PAK3: variants seen among roughly 807,000 people sequenced by gnomAD.
PAK3 encodes the protein serine/threonine-protein kinase PAK 3.
In PAK3, 4 loss-of-function variants were observed where a neutral mutation model predicts 41.0. The ratio of observed to expected loss-of-function variants is 0.10; its 90% confidence interval spans 0.05 to 0.22. PAK3 has a LOEUF of 0.22. Ranked by LOEUF, PAK3 falls within the 10% of genes least tolerant of loss-of-function variation. The probability of loss-of-function intolerance (pLI) is 1.00; values close to 1 mark genes in which losing one functional copy is unlikely to be tolerated. For synonymous variants in PAK3, 146 were observed against 139.6 expected, an observed-to-expected ratio of 1.05 and a Z score of -0.32; for missense variants, 205 against 409.9, an observed-to-expected ratio of 0.50 and a Z score of 4.32.
intron 8 of PAK3, among the ~76,000 whole-genome samples, chrX:111,162,145 A>G (rs780489261): frequency 8.9e-6 from 1 of 111,813 alleles, no homozygotes; most frequent in African/African-American, 3.2e-5. Context: ...TGGGAACCAC[A>G]CTTTGAGAAC....
chrX:111,143,907 T>C (rs1008860247), intron 6 of PAK3, among the ~76,000 whole-genome samples: 1 of 111,791 alleles, frequency 8.9e-6, no homozygotes, highest in African/African-American at 3.2e-5. Flanking sequence ...TTCCTTTTTG[T>C]TTTCTGATGT....
chrX:111,105,047 GCTCA>G (rs1273818564), intron 4 of PAK3, among the ~76,000 whole-genome samples: 1 of 111,289 alleles, frequency 9.0e-6, no homozygotes, highest in Non-Finnish European at 1.9e-5. Context: ...CATCCCCTGG[GCTCA>G]CTCACTTTTC....
At chrX:111,180,742 T>C (rs56028843) in intron 11 of PAK3, among the ~76,000 whole-genome samples, 2,521 of 111,901 alleles carry the variant, frequency 0.023, 79 homozygotes, top group African/African-American at 0.078. Flanking sequence ...TTGTACCTCA[T>C]ACTTTTTAAA....
chrX:111,081,878 G>A (rs1603146636), intron 1 of PAK3, among the ~76,000 whole-genome samples: 2 of 111,384 alleles, frequency 1.8e-5, no homozygotes, highest in East Asian at 5.6e-4. Flanking sequence ...TTAAAGGCAA[G>A]GAGCATGGAT....
intron 3 of PAK3, chrX:111,098,768 CA>C (rs754247810): frequency 7.7e-4 from 70 of 90,725 alleles, no homozygotes; most frequent in Admixed American, 1.3e-3. Flanking sequence ...GACCCCTGCT[CA>C]AAAAAAAAAA....
intron 11 of PAK3, among the ~76,000 whole-genome samples, chrX:111,190,801 G>C (rs1187338835): frequency 4.5e-5 from 5 of 112,235 alleles, no homozygotes; most frequent in Non-Finnish European, 9.4e-5. Flanking sequence ...TAAAGAACAA[G>C]AGAAATAATT....
intron 6 of PAK3, chrX:111,146,410 T>C: frequency 1.8e-6 from 1 of 543,367 alleles, no homozygotes; most frequent in Non-Finnish European, 3.1e-6. Context: ...TGCCCCACTT[T>C]AGAAGGGACT....
chrX:111,001,054 C>T (rs1014707180), intron 1 of PAK3, among the ~76,000 whole-genome samples: 9 of 111,464 alleles, frequency 8.1e-5, no homozygotes, highest in East Asian at 2.8e-4. Context: ...CACACCAGTA[C>T]GAGGGAAATG....
At chrX:111,126,093 A>G (rs562857054) in intron 5 of PAK3, among the ~76,000 whole-genome samples, 4 of 111,537 alleles carry the variant, frequency 3.6e-5, no homozygotes, top group African/African-American at 1.3e-4. Context: ...GAACTAATGA[A>G]TAGTCCACTT....
intron 4 of PAK3, among the ~76,000 whole-genome samples, chrX:111,108,452 G>T (rs1396889891): frequency 1.8e-5 from 2 of 112,368 alleles, no homozygotes; most frequent in Admixed American, 1.9e-4. Flanking sequence ...GAACTGGGCA[G>T]CACAGCAGGA....
chrX:110,969,090 C>A (rs1332552194), intron 1 of PAK3, among the ~76,000 whole-genome samples: 2 of 16,815 alleles, frequency 1.2e-4, no homozygotes, highest in African/African-American at 2.4e-4. Context: ...ACCAGACCTG[C>A]CTAATTTTTT....
intron 1 of PAK3, among the ~76,000 whole-genome samples, chrX:111,017,680 C>T (rs972346975): frequency 2.7e-5 from 3 of 111,553 alleles, no homozygotes; most frequent in Non-Finnish European, 3.8e-5. Flanking sequence ...TAATTAACAT[C>T]AATTTGTTTC....
chrX:110,962,679 G>A (rs182150711), intron 1 of PAK3, among the ~76,000 whole-genome samples: 2 of 112,468 alleles, frequency 1.8e-5, no homozygotes, highest in African/African-American at 3.2e-5. Context: ...GGGCCAAGCC[G>A]CCAAGCCTCT....
At chrX:111,002,749 G>A (rs973638589) in intron 1 of PAK3, among the ~76,000 whole-genome samples, 1 of 111,713 alleles carries the variant, frequency 9.0e-6, no homozygotes, top group Non-Finnish European at 1.9e-5. Context: ...GTTCTCTAGA[G>A]CCAGCAGCTG....
chrX:110,966,990 T>C (rs906812836), intron 1 of PAK3, among the ~76,000 whole-genome samples: 11 of 112,114 alleles, frequency 9.8e-5, no homozygotes, highest in Non-Finnish European at 2.1e-4. Context: ...TATTGCAAAA[T>C]TGCATTTTCT....
chrX:111,029,173 G>A (rs1241028711), intron 1 of PAK3, among the ~76,000 whole-genome samples: 2 of 111,312 alleles, frequency 1.8e-5, no homozygotes, highest in African/African-American at 6.5e-5. Context: ...AAGAAATAAC[G>A]GCCTCTACCT....
intron 5 of PAK3, among the ~76,000 whole-genome samples, chrX:111,140,450 T>C (rs1038817308): frequency 1.9e-4 from 21 of 111,514 alleles, no homozygotes; most frequent in African/African-American, 6.9e-4. Flanking sequence ...AATAGAGTGA[T>C]GACACCAGAG....
chrX:111,027,199 A>AGGTC (rs1460000757), intron 1 of PAK3, among the ~76,000 whole-genome samples: 1 of 91,097 alleles, frequency 1.1e-5, no homozygotes, highest in Admixed American at 1.3e-4. Context: ...ACCTGAAACC[A>AGGTC]TGAAGATTCT....
At chrX:111,088,365 G>A (rs190528012) in intron 1 of PAK3, among the ~76,000 whole-genome samples, 39 of 111,813 alleles carry the variant, frequency 3.5e-4, no homozygotes, top group African/African-American at 6.8e-4. Flanking sequence ...GAAGGCCAGC[G>A]GTTTAATTAC....
Sources: allele counts gnomAD v4.1 joint callset (sites outside exome capture counted in the v4.1 genomes callset), GRCh38; gene constraint gnomAD v4.1.1; transcripts MANE v1.5; gene names NCBI Gene and HGNC (gene_info 2026-07-23, HGNC 2026-07-21).